Variants in PREX2 observed in about 807,000 individuals in gnomAD.
PREX2 encodes phosphatidylinositol-3,4,5-trisphosphate dependent Rac exchange factor 2.
PREX2 carries 107 observed loss-of-function variants against 203.2 expected under a neutral mutation model. The observed-to-expected ratio is 0.53, with a 90% CI of 0.45 to 0.62. PREX2 has a LOEUF of 0.62. Ranked by LOEUF, PREX2 falls within the 20% of genes least tolerant of loss-of-function variation. The pLI, the probability that PREX2 is intolerant of heterozygous loss-of-function variation, is 0.00. For missense variants in PREX2, 1,777 were observed against 1,955.9 expected (o/e 0.91, Z 1.72); for synonymous variants, 672 against 663.6 (o/e 1.01, Z -0.19).
At chr8:67,975,316 T>A (rs1477985187) in intron 1 of PREX2, among the ~76,000 whole-genome samples, 2 of 142,816 alleles carry the variant, frequency 1.4e-5, no homozygotes, top group East Asian at 4.2e-4. Flanking sequence ...TGTCTGTGTG[T>A]GTGTGTCCTA....
At chr8:67,983,629 T>C (rs992638107) in intron 1 of PREX2, among the ~76,000 whole-genome samples, 4 of 152,238 alleles carry the variant, frequency 2.6e-5, no homozygotes, top group Non-Finnish European at 5.9e-5. Context: ...AGCAGTATCC[T>C]CTTCCTGCCC....
chr8:68,059,989 C>T (rs1194760371), intron 10 of PREX2, among the ~76,000 whole-genome samples: 1 of 152,244 alleles, frequency 6.6e-6, no homozygotes, highest in African/African-American at 2.4e-5. Context: ...AAGGGTTCCA[C>T]TCCCTGAATC....
chr8:68,222,242 C>A (rs76267685), intron 38 of PREX2, among the ~76,000 whole-genome samples: 7,785 of 152,122 alleles, frequency 0.051, 561 homozygotes, highest in African/African-American at 0.16. Flanking sequence ...CTTCTAAATA[C>A]CATTCTCCAA....
chr8:68,148,405 C>T (rs1811369547), intron 34 of PREX2, among the ~76,000 whole-genome samples: 2 of 152,094 alleles, frequency 1.3e-5, no homozygotes, highest in Non-Finnish European at 2.9e-5. Flanking sequence ...CTTTATTTCT[C>T]TCTTCTTAAA....
At position 67,975,694 on chromosome 8, in the gene PREX2, C is replaced by CTTTT. The variant is rs67614434; in HGVS notation, c.141+23183_141+23186dup. Among the ~76,000 whole-genome samples the CTTTT allele has an allele frequency of 5.3e-3, 394 of 74,996 alleles. 89 individuals are homozygous for CTTTT. The highest frequency in any genetic ancestry group is 0.021 in the African/African-American group (351 of 16,840). The allele number at this position is 74,996 out of a possible 152,430, so 49.2% of individuals were successfully genotyped here. A position where few individuals can be genotyped will look rare whatever the true frequency, so the allele number is the denominator to read the frequency against. ...TCAGGATAGTAACTGATTTCTCTTT[C>CTTTT]TTTTTTTTTTTTTTTTTTTTTTTTT... is the stretch of plus-strand genomic sequence containing the variant. On this transcript the variant is annotated intron_variant, in intron 1 of 39. Transcript: ENST00000288368.
intron 1 of PREX2, among the ~76,000 whole-genome samples, chr8:67,952,894 C>G (rs1439976137): frequency 1.3e-5 from 2 of 152,182 alleles, no homozygotes; most frequent in African/African-American, 2.4e-5. Context: ...GATTTTCCTT[C>G]TTGTTCTTTC....
At chr8:68,105,836 C>A (rs1810396004) in intron 23 of PREX2, 1 of 151,452 alleles carries the variant, frequency 6.6e-6, no homozygotes, top group South Asian at 2.1e-4. Context: ...GATAGATGCA[C>A]CTATTGGTGT....
At chr8:67,983,233 A>G (rs1806321960) in intron 1 of PREX2, among the ~76,000 whole-genome samples, 2 of 147,168 alleles carry the variant, frequency 1.4e-5, no homozygotes, top group Non-Finnish European at 3.0e-5. Flanking sequence ...CATACTGATG[A>G]TGATGGATCA....
intron 35 of PREX2, among the ~76,000 whole-genome samples, chr8:68,190,972 CA>C (rs1812281560): frequency 6.6e-6 from 1 of 151,832 alleles, no homozygotes; most frequent in African/African-American, 2.4e-5. Flanking sequence ...TTCCACTTTG[CA>C]TATTAAAATG....
chr8:67,962,605 AT>A (rs11309279), intron 1 of PREX2, among the ~76,000 whole-genome samples: 64,113 of 147,308 alleles, frequency 0.44, 14,391 homozygotes, highest in East Asian at 0.6. Flanking sequence ...TATATATTTT[AT>A]TTTTTTTTTT....
intron 35 of PREX2, among the ~76,000 whole-genome samples, chr8:68,184,840 T>G (rs1812158276): frequency 6.6e-6 from 1 of 152,188 alleles, no homozygotes; most frequent in Non-Finnish European, 1.5e-5. Context: ...TAAATTGGTT[T>G]AAATATTTTA....
intron 14 of PREX2, among the ~76,000 whole-genome samples, chr8:68,074,040 C>G (rs1809275514): frequency 6.6e-6 from 1 of 151,930 alleles, no homozygotes; most frequent in Non-Finnish European, 1.5e-5. Flanking sequence ...AATCTCGGCT[C>G]ACTGCAACTT....
chr8:68,033,973 A>C (rs1403107961), intron 6 of PREX2, among the ~76,000 whole-genome samples: 1 of 152,210 alleles, frequency 6.6e-6, no homozygotes, highest in Non-Finnish European at 1.5e-5. Flanking sequence ...GAAAACAGGC[A>C]GCTTGATTCT....
At chr8:68,005,235 C>T (rs1429196740) in intron 1 of PREX2, among the ~76,000 whole-genome samples, 1 of 152,172 alleles carries the variant, frequency 6.6e-6, no homozygotes, top group East Asian at 1.9e-4. Context: ...AATTCACAGT[C>T]AATCCATGAA....
At chr8:68,033,933 G>T (rs1304337438) in intron 6 of PREX2, among the ~76,000 whole-genome samples, 1 of 152,110 alleles carries the variant, frequency 6.6e-6, no homozygotes, top group East Asian at 1.9e-4. Flanking sequence ...TAAATAACAG[G>T]TGACAACATT....
At chr8:68,127,483 C>A in intron 31 of PREX2, 64 bp downstream of exon 31, 1 of 1,186,092 alleles carries the variant, frequency 8.4e-7, no homozygotes, top group East Asian at 2.4e-5. Flanking sequence ...TCATAAAGGC[C>A]TTGAAATTTG....
chr8:68,125,928 A>G (rs1241490926), intron 30 of PREX2, among the ~76,000 whole-genome samples: 1 of 152,028 alleles, frequency 6.6e-6, no homozygotes, highest in East Asian at 1.9e-4. Flanking sequence ...TAAAACCATT[A>G]CGAGATTCAT....
intron 1 of PREX2, among the ~76,000 whole-genome samples, chr8:67,993,360 C>T (rs1806662809): frequency 6.7e-6 from 1 of 149,938 alleles, no homozygotes; most frequent in Non-Finnish European, 1.5e-5. Context: ...AATACTATGT[C>T]TTGCAACTAC....
intron 35 of PREX2, among the ~76,000 whole-genome samples, chr8:68,174,664 A>G (rs373761387): frequency 9.1e-4 from 139 of 152,290 alleles, no homozygotes; most frequent in African/African-American, 3.0e-3. Flanking sequence ...TTAACCCATT[A>G]TGCTTTATAT....
Sources: allele counts gnomAD v4.1 joint callset (sites outside exome capture counted in the v4.1 genomes callset), GRCh38; gene constraint gnomAD v4.1.1; transcripts MANE v1.5; gene names NCBI Gene and HGNC (gene_info 2026-07-23, HGNC 2026-07-21).